TLK1: variants seen among roughly 807,000 people sequenced by gnomAD.
The protein encoded by TLK1 is tousled like kinase 1.
In TLK1, 24 loss-of-function variants were observed where a neutral mutation model predicts 105.3. The ratio of observed to expected loss-of-function variants is 0.23; its 90% CI spans 0.17 to 0.32. TLK1 has a LOEUF of 0.32. Among genes scored for constraint, TLK1 ranks in the 10% least tolerant of loss-of-function variants. The pLI is 1.00. For missense variants in TLK1, 558 were observed against 910.5 expected, an observed-to-expected ratio of 0.61 and a Z score of 4.98; for synonymous variants, 321 against 310.4, an observed-to-expected ratio of 1.03 and a Z score of -0.36.
At chr2:171,109,771 T>C (rs944713380) in intron 2 of TLK1, among the ~76,000 whole-genome samples, 27 of 152,202 alleles carry the variant, frequency 1.8e-4, no homozygotes, top group African/African-American at 6.3e-4. Flanking sequence ...CTGTGGTATA[T>C]CCATACAGTG....
At chr2:171,167,356 T>C (rs1330743281) in intron 1 of TLK1, among the ~76,000 whole-genome samples, 5 of 152,226 alleles carry the variant, frequency 3.3e-5, no homozygotes, top group African/African-American at 9.6e-5. Context: ...TGTTTCCTTC[T>C]TTGTCCAAAG....
chr2:171,066,959 G>GA, intron 3 of TLK1: 1 of 1,541,950 alleles, frequency 6.5e-7, no homozygotes, highest in Non-Finnish European at 8.7e-7. Flanking sequence ...TTGGCATTTT[G>GA]AAAGTGCTTG....
At chr2:171,117,935 G>A (rs940062487) in intron 1 of TLK1, 78 bp from the exon 2 acceptor site, 1 of 977,162 alleles carries the variant, frequency 1.0e-6, no homozygotes, top group Non-Finnish European at 1.4e-6. Flanking sequence ...ATATATATAT[G>A]TGATTAGTTA....
Position 170,993,684 on chromosome 2 carries a change from A to AAAG in TLK1, c.*95_*96insCTT, listed in dbSNP as rs1553602280. 1.0e-5 allele frequency: 10 copies of AAAG among 993,370 alleles called. 1 individual carries two copies. In the African/African-American group the frequency reaches 1.5e-4, roughly 15 times the overall value. 61.5% of individuals were successfully genotyped at this position (993,370 alleles called of 1,614,324 possible). A position where few individuals can be genotyped will look rare whatever the true frequency, so the allele number is the denominator to read the frequency against. ...CGTCTTGTGTAAAAAAAAAAAAAAA[A>AAAG]AAAAAAGAAAAAGAAAACAAACACT... On this transcript the variant is annotated 3_prime_UTR_variant, in exon 21 of 21. Transcript: ENST00000431350.
At chr2:171,011,580 A>G in intron 13 of TLK1, 126 bp from the exon 14 acceptor site, 1 of 733,904 alleles carries the variant, frequency 1.4e-6, no homozygotes, top group African/African-American at 1.8e-5. Context: ...TGCTAATTTC[A>G]AATTTCATTC....
rs756855580 is a variant in TLK1, at chr2:171,014,957, G to A, written c.1237-9C>T. 2.8e-5 allele frequency: 45 copies of A among 1,594,644 alleles called. No individual in the cohort carries two copies. Among genetic ancestry groups the A allele is most frequent in the Non-Finnish European group, 3.4e-5 (40 of 1,162,868 alleles). ...TGGATTTCTGCCTCTTCCTGAAAAT[G>A]AAGAGAGGGGACTATAACAAGCTCA... is the stretch of plus-strand genomic sequence containing the variant. On this transcript the variant is annotated splice_polypyrimidine_tract_variant and intron_variant, in intron 12 of 20. Coordinates refer to ENST00000431350, the MANE Select transcript of TLK1 (RefSeq NM_012290.5).
intron 1 of TLK1, among the ~76,000 whole-genome samples, chr2:171,205,457 G>A (rs912828323): frequency 6.6e-6 from 1 of 151,904 alleles, no homozygotes; most frequent in Non-Finnish European, 1.5e-5. Flanking sequence ...TGAATAGCTG[G>A]GACTACAGGT....
intron 1 of TLK1, among the ~76,000 whole-genome samples, chr2:171,123,473 G>T (rs1690742609): frequency 6.6e-6 from 1 of 152,110 alleles, no homozygotes; most frequent in Admixed American, 6.5e-5. Flanking sequence ...AAAGTGCTGG[G>T]ATTACAGGCA....
chr2:171,126,155 T>C (rs1690858065), intron 1 of TLK1, among the ~76,000 whole-genome samples: 1 of 152,180 alleles, frequency 6.6e-6, no homozygotes, highest in South Asian at 2.1e-4. Flanking sequence ...CTCTTCTTAC[T>C]ATCCTGTTTC....
At position 171,033,447 on chromosome 2, in the gene TLK1, G is replaced by T. The variant is rs548897340; in HGVS notation, c.1170-5042C>A. On this transcript the variant is annotated intron_variant, in intron 11 of 20. Coordinates refer to ENST00000431350, the MANE Select transcript of TLK1 (RefSeq NM_012290.5). ...AAGGACAGTGGGGAAGGGGGCAAAA[G>T]GTGGGGTTGGTTAATGGGTGCAAAA... Among the ~76,000 whole-genome samples the T allele has an allele frequency of 4.6e-5, 7 of 151,952 alleles. No homozygotes were observed. In the East Asian group the frequency reaches 7.7e-4, roughly 17 times the overall value.
At chr2:171,104,340 G>A (rs557059962) in intron 2 of TLK1, among the ~76,000 whole-genome samples, 65 of 150,382 alleles carry the variant, frequency 4.3e-4, no homozygotes, top group Non-Finnish European at 8.3e-4. Context: ...AGAAATAAAC[G>A]TAACCAATGA....
chr2:171,048,772 G>A (rs1403889231), intron 10 of TLK1, among the ~76,000 whole-genome samples: 1 of 152,178 alleles, frequency 6.6e-6, no homozygotes, highest in Non-Finnish European at 1.5e-5. Flanking sequence ...TGTTTGAACA[G>A]CAATGTTGGT....
chr2:170,993,668 TAAAAAAAAAAA>T lies in TLK1; in HGVS notation c.*101_*111del, dbSNP rs71008739. On this transcript the variant is annotated 3_prime_UTR_variant, in exon 21 of 21. Transcript: ENST00000431350. The stretch of plus-strand genomic sequence containing the variant: ...AAACAGTTCTTAACCACGTCTTGTG[TAAAAAAAAAAA>T]AAAAAAAAAAAGAAAAAGAAAACAA... The T allele has an allele frequency of 4.6e-6, 2 of 430,108 alleles. No individual in the cohort carries two copies. Among genetic ancestry groups the T allele is most frequent in the Non-Finnish European group, 3.3e-6 (1 of 298,876 alleles). 26.6% of individuals were successfully genotyped at this position (430,108 alleles called of 1,614,324 possible). A position where few individuals can be genotyped will look rare whatever the true frequency, so the allele number is the denominator to read the frequency against.
At chr2:171,225,554 A>G (rs1417538543) in intron 1 of TLK1, among the ~76,000 whole-genome samples, 3 of 152,186 alleles carry the variant, frequency 2.0e-5, no homozygotes, top group Non-Finnish European at 4.4e-5. Flanking sequence ...TTTGGAAAAC[A>G]GTCTTGTAGT....
At chr2:171,171,519 A>AAG (rs1435276443) in intron 1 of TLK1, among the ~76,000 whole-genome samples, 1 of 152,042 alleles carries the variant, frequency 6.6e-6, no homozygotes, top group East Asian at 1.9e-4. Flanking sequence ...AAAAAAAAAA[A>AAG]AAGACAGTGA....
intron 1 of TLK1, among the ~76,000 whole-genome samples, chr2:171,144,231 T>C (rs1355047364): frequency 6.7e-6 from 1 of 150,252 alleles, no homozygotes; most frequent in Admixed American, 6.6e-5. Flanking sequence ...GAACAATAGT[T>C]GGAAGAATTA....
chr2:171,149,551 A>G (rs1360361390), intron 1 of TLK1, among the ~76,000 whole-genome samples: 1 of 152,192 alleles, frequency 6.6e-6, no homozygotes, highest in Admixed American at 6.6e-5. Flanking sequence ...AAGAAAAAGA[A>G]AGGAGGGGGA....
In TLK1 at chr2:171,196,118, G is replaced by C. The variant is rs917799195; in HGVS notation, c.-6+35027C>G. 1.4e-4 allele frequency among the ~76,000 whole-genome samples: 19 copies of C among 135,290 alleles called. 2 individuals carry two copies. Among genetic ancestry groups the C allele is most frequent in the African/African-American group, 4.3e-4 (17 of 39,860 alleles). 88.8% of individuals were successfully genotyped at this position (135,290 alleles called of 152,430 possible). A position where few individuals can be genotyped will look rare whatever the true frequency, so the allele number is the denominator to read the frequency against. ...AAGGAAGGAAGGGAGGGACATTGTA[G>C]CTGGTTTTTTTTTTTTGAGATGGAG... is the stretch of plus-strand genomic sequence containing the variant. On this transcript the variant is annotated intron_variant, in intron 1 of 20. Transcript: ENST00000521943.
At chr2:171,030,572 T>C (rs1251384204) in intron 11 of TLK1, among the ~76,000 whole-genome samples, 1 of 152,156 alleles carries the variant, frequency 6.6e-6, no homozygotes, top group Non-Finnish European at 1.5e-5. Context: ...GATGTAGGAA[T>C]GTTAGCAAAA....
Sources: gnomAD v4.1 joint callset for allele counts (sites outside exome capture counted in the v4.1 genomes callset) on GRCh38, gnomAD v4.1.1 for gene constraint, MANE v1.5 for transcripts, NCBI Gene and HGNC (gene_info 2026-07-23, HGNC 2026-07-21) for gene names.